The following AGAP1 variants were observed in gnomAD, a reference collection of about 807,000 sequenced individuals.
AGAP1 encodes ArfGAP with GTPase domain, ankyrin repeat and PH domain 1.
Under a neutral mutation model 105.3 loss-of-function variants are expected in AGAP1, and 29 were observed. The ratio of observed to expected loss-of-function variants is 0.28; its 90% confidence interval spans 0.21 to 0.38. The LOEUF is 0.38. Among genes scored for constraint, AGAP1 ranks in the 10% least tolerant of loss-of-function variants. The pLI is 1.00. For missense variants in AGAP1, 998 were observed against 1,165.1 expected, an observed-to-expected ratio of 0.86 and a Z score of 2.09; for synonymous variants, 509 against 485.9, an observed-to-expected ratio of 1.05 and a Z score of -0.63.
At position 235,926,548 on chromosome 2, in the gene AGAP1, A is replaced by G. The variant is rs147051704; in HGVS notation, c.1325-4217A>G. Among the ~76,000 whole-genome samples, 46 of 152,216 alleles carry G rather than the reference A, an allele frequency of 3.0e-4. No homozygotes were observed. The East Asian group carries it at 8.5e-3, about 28-fold the overall frequency. ...GAAACAATATTTCTGACCCTGTGTA[A>G]TTTTTTTTAGTCAAATATGTTTCTG... On this transcript the variant is annotated intron_variant, in intron 11 of 17. Coordinates refer to ENST00000304032, the MANE Select transcript of AGAP1 (RefSeq NM_001037131.3).
chr2:236,102,228 T>C lies in AGAP1; in HGVS notation c.2115-17964T>C, dbSNP rs183241436. ...GTCAGGAGATCGAGACCATCCTGGC[T>C]AACACGGTGAAACCCTGTTTCTACT... On this transcript the variant is annotated intron_variant, in intron 16 of 17. Transcript: ENST00000304032. 6.1e-3 allele frequency among the ~76,000 whole-genome samples: 926 copies of C among 152,022 alleles called. 5 individuals carry two copies. The highest frequency in any genetic ancestry group is 7.1e-3 in the Admixed American group (108 of 15,288).
intron 1 of AGAP1, among the ~76,000 whole-genome samples, chr2:235,602,082 G>T (rs145546934): frequency 6.6e-6 from 1 of 152,332 alleles, no homozygotes; most frequent in East Asian, 1.9e-4. Flanking sequence ...CGCAGAGCAG[G>T]CACTGGCAAA....
In AGAP1 at chr2:235,665,623, C is replaced by T. The variant is rs769316122; in HGVS notation, c.164-43556C>T. Among the ~76,000 whole-genome samples, 6 of 152,182 alleles carry T rather than the reference C, an allele frequency of 3.9e-5. No individual in the cohort carries two copies. Among genetic ancestry groups the T allele is most frequent in the African/African-American group, 1.4e-4 (6 of 41,530 alleles). On this transcript the variant is annotated intron_variant, in intron 1 of 17. Transcript: ENST00000304032. The surrounding 1 kb of genome is among the most constrained non-coding windows in gnomAD (Gnocchi z 5.3). ...TAAAAATATAAAAGTATTAATAAGA[C>T]GTTACTGTCTTGGTAATTGCTTCTT... is the stretch of plus-strand genomic sequence containing the variant.
At chr2:235,980,376 T>C (rs972621768) in intron 13 of AGAP1, among the ~76,000 whole-genome samples, 1 of 152,216 alleles carries the variant, frequency 6.6e-6, no homozygotes, top group African/African-American at 2.4e-5. Context: ...ATAGCAAAAC[T>C]GCATTTGGAG....
chr2:236,123,452 T>C lies in AGAP1; in HGVS notation c.2371-467T>C, dbSNP rs1258616696. Among the ~76,000 whole-genome samples the C allele has an allele frequency of 2.0e-5, 3 of 152,202 alleles. No individual in the cohort carries two copies. Among genetic ancestry groups the C allele is most frequent in the Non-Finnish European group, 4.4e-5 (3 of 68,036 alleles). ...TACAGTCTTATCTCAATTATGTACA[T>C]ATACATGTAGATTCAAAGAAAACTC... On this transcript the variant is annotated intron_variant, in intron 17 of 17. Coordinates refer to ENST00000304032, the MANE Select transcript of AGAP1 (RefSeq NM_001037131.3). The surrounding 1 kb of genome is among the most constrained non-coding windows in gnomAD (Gnocchi z 4.6).
chr2:235,750,546 A>C lies in AGAP1; in HGVS notation c.673+58A>C. Reference sequence around the variant, plus strand: ...TTCATGATAGACGGGAGGCACTTCAAGAAGTCAGTCCTGCCTGCACTTGTG... The same window carrying C: ...TTCATGATAGACGGGAGGCACTTCACGAAGTCAGTCCTGCCTGCACTTGTG... On this transcript the variant is annotated intron_variant, in intron 6 of 17. Coordinates refer to ENST00000304032, the MANE Select transcript of AGAP1 (RefSeq NM_001037131.3). The surrounding 1 kb of genome is among the most constrained non-coding windows in gnomAD (Gnocchi z 5.3). 1 of 1,608,962 alleles carries C rather than the reference A, an allele frequency of 6.2e-7. No homozygotes were observed. The highest frequency in any genetic ancestry group is 1.1e-5 in the South Asian group (1 of 90,848).
intron 1 of AGAP1, among the ~76,000 whole-genome samples, chr2:235,513,176 C>T (rs1001536504): frequency 2.0e-5 from 3 of 152,104 alleles, no homozygotes; most frequent in African/African-American, 7.2e-5. Flanking sequence ...CAGACTTTAG[C>T]CTGCGTCAGG....
At position 235,904,292 on chromosome 2, in the gene AGAP1, G is replaced by A. The variant is rs900493311; in HGVS notation, c.1156-4446G>A. Reference sequence around the variant, plus strand: ...AGGGGGACAGCGAGGCACAGTTACCGAGCAATTGGCGGGTTCGGAAACAGG... The same window carrying A: ...AGGGGGACAGCGAGGCACAGTTACCAAGCAATTGGCGGGTTCGGAAACAGG... On this transcript the variant is annotated intron_variant, in intron 10 of 17. Transcript: ENST00000304032. This position sits in a 1 kb window ranked among gnomAD's most constrained non-coding sequence, Gnocchi z 4.2. Among the ~76,000 whole-genome samples, 7 of 152,330 alleles carry A rather than the reference G, an allele frequency of 4.6e-5. No homozygotes were observed. The highest frequency in any genetic ancestry group is 1.7e-4 in the African/African-American group (7 of 41,580).
intron 1 of AGAP1, among the ~76,000 whole-genome samples, chr2:235,501,193 G>A (rs113117843): frequency 2.0e-4 from 30 of 152,324 alleles, no homozygotes; most frequent in Non-Finnish European, 4.1e-4. Context: ...AGTGGGCTGC[G>A]TTTCTGCGAC....
intron 15 of AGAP1, among the ~76,000 whole-genome samples, chr2:236,043,051 G>A (rs1047077839): frequency 2.6e-5 from 4 of 152,186 alleles, no homozygotes; most frequent in Admixed American, 2.6e-4. Flanking sequence ...CTGTTGTCCA[G>A]CCTGCTGTAT....
rs1484973066 is a variant in AGAP1 at position 235,968,435 on chromosome 2, TTTTTGCC to T, written c.1484-22_1484-16del. ...TGCTCACTCTGCATTTTTTTTTTTT[TTTTTGCC>T]TTTTCCGGTCCAATGGCAGACACAG... On this transcript the variant is annotated intron_variant, in intron 12 of 17. Transcript: ENST00000304032. 6.5e-7 allele frequency: 1 copy of T among 1,548,954 alleles called. No individual in the cohort carries two copies. Among genetic ancestry groups the T allele is most frequent in the African/African-American group, 1.4e-5 (1 of 71,140 alleles).
In AGAP1 at chr2:235,615,934, T is replaced by TG. The variant is rs1946292585; in HGVS notation, c.164-93245_164-93244insG. On this transcript the variant is annotated intron_variant, in intron 1 of 17. Transcript: ENST00000304032. The surrounding 1 kb of genome is among the most constrained non-coding windows in gnomAD (Gnocchi z 5.0). Reference sequence around the variant, plus strand: ...AGCATTGTCTTCTATATGTAAAGAGTTCTTATAAAACAATAAGAAAAATAT... The same window carrying TG: ...AGCATTGTCTTCTATATGTAAAGAGTGTCTTATAAAACAATAAGAAAAATAT... 6.6e-6 allele frequency among the ~76,000 whole-genome samples: 1 copy of TG among 151,740 alleles called. No individual in the cohort carries two copies. The highest frequency in any genetic ancestry group is 1.5e-5 in the Non-Finnish European group (1 of 67,934).
intron 9 of AGAP1, among the ~76,000 whole-genome samples, chr2:235,813,698 C>G (rs895651498): frequency 2.6e-5 from 4 of 152,224 alleles, no homozygotes; most frequent in African/African-American, 9.6e-5. Flanking sequence ...GTTTGGCTGT[C>G]CACAGGCAGC....
At chr2:235,781,273 G>A (rs1312446352) in intron 6 of AGAP1, among the ~76,000 whole-genome samples, 1 of 152,110 alleles carries the variant, frequency 6.6e-6, no homozygotes, top group Non-Finnish European at 1.5e-5. Flanking sequence ...AGCTATATTG[G>A]GAGAAATATT....
In AGAP1 at chr2:235,859,639, C is replaced by T. The variant is rs910706608; in HGVS notation, c.1051-23706C>T. Among the ~76,000 whole-genome samples, 7 of 151,480 alleles carry T rather than the reference C, an allele frequency of 4.6e-5. No individual in the cohort carries two copies. In the South Asian group the frequency reaches 6.3e-4, roughly 14 times the overall value. ...TAGTAACTCAATGCTCAGAGAGACT[C>T]GCATTTGTCCGGAAGGCCTTAGAGT... On this transcript the variant is annotated intron_variant, in intron 9 of 17. Coordinates refer to ENST00000304032, the MANE Select transcript of AGAP1 (RefSeq NM_001037131.3).
chr2:235,510,412 T>TACAATGTAGTAAA (rs1942022545), intron 1 of AGAP1, among the ~76,000 whole-genome samples: 1 of 152,194 alleles, frequency 6.6e-6, no homozygotes, highest in East Asian at 1.9e-4. Flanking sequence ...TAATGTTCCA[T>TACAATGTAGTAAA]TGTATGGATT....
intron 1 of AGAP1, among the ~76,000 whole-genome samples, chr2:235,543,101 C>CG (rs1943502853): frequency 7.4e-6 from 1 of 134,674 alleles, no homozygotes; most frequent in South Asian, 2.8e-4. Context: ...TCCCCCTCCC[C>CG]CCCCCCCGCC....
In AGAP1 at chr2:235,788,851, C is replaced by T. The variant is rs72983012; in HGVS notation, c.674-8908C>T. On this transcript the variant is annotated intron_variant, in intron 6 of 17. Transcript: ENST00000304032. This position sits in a 1 kb window ranked among gnomAD's most constrained non-coding sequence, Gnocchi z 6.0. The stretch of plus-strand genomic sequence containing the variant: ...CACACCACGTTAGGGTGCTTTTCGG[C>T]ATCTCTCAGTGGGGTGAACGTTTGC... Among the ~76,000 whole-genome samples the T allele has an allele frequency of 0.24, 36,019 of 152,096 alleles. 4,889 individuals carry two copies. The highest frequency in any genetic ancestry group is 0.39 in the Admixed American group (5,964 of 15,282).
chr2:235,833,977 A>T (rs1370584890), intron 9 of AGAP1, among the ~76,000 whole-genome samples: 2 of 149,166 alleles, frequency 1.3e-5, no homozygotes, highest in African/African-American at 5.0e-5. Context: ...AAAAGCCAGT[A>T]GCAGCACTGG....
Sources: gnomAD v4.1 joint callset for allele counts (sites outside exome capture counted in the v4.1 genomes callset) on GRCh38, gnomAD v4.1.1 for gene constraint, Gnocchi (gnomAD v3.1) non-coding constraint, MANE v1.5 for transcripts, NCBI Gene and HGNC (gene_info 2026-07-23, HGNC 2026-07-21) for gene names.